The following ITFG1 variants were observed in gnomAD, a reference collection of about 807,000 sequenced individuals.
ITFG1 encodes integrin alpha FG-GAP repeat containing 1.
A neutral mutation model predicts 81.8 loss-of-function variants in ITFG1; 34 were observed. The ratio of observed to expected loss-of-function variants is 0.42; its 90% CI spans 0.32 to 0.55. The LOEUF is 0.55. Ranked by LOEUF, ITFG1 falls within the 20% of genes least tolerant of loss-of-function variation. ITFG1 has a pLI of 0.17. For synonymous variants in ITFG1, 285 were observed against 270.6 expected, an observed-to-expected ratio of 1.05 and a Z score of -0.52; for missense variants, 672 against 755.4, an observed-to-expected ratio of 0.89 and a Z score of 1.29.
At position 47,375,490 on chromosome 16, in the gene ITFG1, C is replaced by CT. The variant is rs1192882225; in HGVS notation, c.720+385dup. On this transcript the variant is annotated intron_variant, in intron 7 of 17. Transcript: ENST00000320640. The stretch of plus-strand genomic sequence containing the variant: ...AAGTTTGGTGTTTGTTGTCTTATTT[C>CT]TTTATATAAGCCTAAAGGCAAAGGG... Among the ~76,000 whole-genome samples the CT allele has an allele frequency of 2.0e-5, 3 of 150,992 alleles. No homozygotes were observed. In the East Asian group the frequency reaches 5.8e-4, roughly 29 times the overall value.
chr16:47,271,140 C>T (rs1410510162), intron 10 of ITFG1, among the ~76,000 whole-genome samples: 1 of 152,060 alleles, frequency 6.6e-6, no homozygotes, highest in Non-Finnish European at 1.5e-5. Flanking sequence ...TTGACATCAT[C>T]AAGTTTGTGC....
At chr16:47,416,174 A>C (rs1025371265) in intron 6 of ITFG1, among the ~76,000 whole-genome samples, 1 of 152,162 alleles carries the variant, frequency 6.6e-6, no homozygotes, top group Non-Finnish European at 1.5e-5. Context: ...TCTTCATGAG[A>C]TTATGAGCGA....
At chr16:47,415,877 T>C (rs1375213169) in intron 6 of ITFG1, among the ~76,000 whole-genome samples, 2 of 152,226 alleles carry the variant, frequency 1.3e-5, no homozygotes, top group East Asian at 3.9e-4. Context: ...GCGGATCACC[T>C]GAGGTTGGGA....
At position 47,400,273 on chromosome 16, in the gene ITFG1, C is replaced by T. The variant is rs372516792; in HGVS notation, c.656-24333G>A. On this transcript the variant is annotated intron_variant, in intron 6 of 17. Transcript: ENST00000320640. Reference sequence around the variant, plus strand: ...GTGCAGTGGCTCAGGCCTGTAATTCCAGTGCTTTGGGAGGCCAAGGTGGGG... The same window carrying T: ...GTGCAGTGGCTCAGGCCTGTAATTCTAGTGCTTTGGGAGGCCAAGGTGGGG... Among the ~76,000 whole-genome samples, 9 of 152,164 alleles carry T rather than the reference C, an allele frequency of 5.9e-5. No individual in the cohort carries two copies. The South Asian group carries it at 6.2e-4, about 10-fold the overall frequency.
At chr16:47,394,507 C>G (rs192749106) in intron 6 of ITFG1, among the ~76,000 whole-genome samples, 2 of 152,074 alleles carry the variant, frequency 1.3e-5, no homozygotes, top group African/African-American at 4.8e-5. Context: ...AACACAAACA[C>G]ACACTGTCTT....
chr16:47,163,124 A>G (rs923585424), intron 14 of ITFG1, among the ~76,000 whole-genome samples: 1 of 152,186 alleles, frequency 6.6e-6, no homozygotes, highest in African/African-American at 2.4e-5. Flanking sequence ...TTTAAAGAAA[A>G]CAGCGTTACT....
At chr16:47,258,436 T>C (rs1966163838) in intron 12 of ITFG1, among the ~76,000 whole-genome samples, 196 bp downstream of exon 12, 1 of 152,192 alleles carries the variant, frequency 6.6e-6, no homozygotes, top group South Asian at 2.1e-4. Flanking sequence ...GACAGAATCC[T>C]GGGCCAGAAA....
chr16:47,377,102 AG>A (rs1968336449), intron 6 of ITFG1, among the ~76,000 whole-genome samples: 1 of 151,830 alleles, frequency 6.6e-6, no homozygotes, highest in South Asian at 2.1e-4. Context: ...GTTTTCTGTA[AG>A]GGTGTCATAT....
intron 13 of ITFG1, among the ~76,000 whole-genome samples, chr16:47,230,309 T>C (rs1271381590): frequency 3.3e-5 from 5 of 150,070 alleles, no homozygotes; most frequent in African/African-American, 1.2e-4. Context: ...GAAAAGGGAG[T>C]GTTTCGGTAA....
intron 10 of ITFG1, among the ~76,000 whole-genome samples, chr16:47,297,578 T>C (rs1967002044): frequency 6.6e-6 from 1 of 152,142 alleles, no homozygotes; most frequent in Non-Finnish European, 1.5e-5. Flanking sequence ...TTATTTCTAC[T>C]TCATTTATCA....
At chr16:47,457,387 A>G (rs1475374908) in intron 2 of ITFG1, among the ~76,000 whole-genome samples, 1 of 152,182 alleles carries the variant, frequency 6.6e-6, no homozygotes, top group Non-Finnish European at 1.5e-5. Context: ...CCACATGGTT[A>G]AAAGGTAAAC....
chr16:47,184,109 C>T (rs1282817904), intron 14 of ITFG1, among the ~76,000 whole-genome samples: 2 of 152,040 alleles, frequency 1.3e-5, no homozygotes, highest in African/African-American at 4.8e-5. Context: ...GCAAAGCCTC[C>T]AAGAAATATG....
Position 47,385,234 on chromosome 16 carries a change from G to A in ITFG1, c.656-9294C>T, listed in dbSNP as rs1968446551. On this transcript the variant is annotated intron_variant, in intron 6 of 17. Transcript: ENST00000320640. ...TAATCAGATTATTAAGAAACTTCAG[G>A]TTAAAGTAATTTATTAAAATAATGA... Among the ~76,000 whole-genome samples, 5 of 152,054 alleles carry A rather than the reference G, an allele frequency of 3.3e-5. No homozygotes were observed. The South Asian group carries it at 1.0e-3, about 32-fold the overall frequency.
At chr16:47,252,080 C>T (rs1483655827) in intron 12 of ITFG1, among the ~76,000 whole-genome samples, 3 of 152,042 alleles carry the variant, frequency 2.0e-5, no homozygotes, top group Non-Finnish European at 4.4e-5. Flanking sequence ...AATATATTAA[C>T]CTAAGTACAA....
At chr16:47,157,691 G>GT (rs1444039984) in intron 17 of ITFG1, 1 of 152,160 alleles carries the variant, frequency 6.6e-6, no homozygotes, top group Admixed American at 6.5e-5. Context: ...TTTTTGATAT[G>GT]TAAAGGAGTG....
At chr16:47,348,725 C>T (rs1186997218) in intron 8 of ITFG1, among the ~76,000 whole-genome samples, 1 of 152,116 alleles carries the variant, frequency 6.6e-6, no homozygotes, top group African/African-American at 2.4e-5. Flanking sequence ...CAAAGATACT[C>T]CTTGAGAACA....
intron 8 of ITFG1, among the ~76,000 whole-genome samples, chr16:47,350,664 A>C (rs553187700): frequency 6.6e-6 from 1 of 152,298 alleles, no homozygotes; most frequent in South Asian, 2.1e-4. Context: ...ATTCCTTCTG[A>C]AACTATTCCA....
intron 6 of ITFG1, among the ~76,000 whole-genome samples, chr16:47,419,852 C>T (rs985718505): frequency 1.3e-5 from 2 of 152,002 alleles, no homozygotes; most frequent in African/African-American, 4.8e-5. Context: ...ATCCGCCCAC[C>T]CCGGCCTCCC....
At chr16:47,274,166 A>G (rs1023008712) in intron 10 of ITFG1, among the ~76,000 whole-genome samples, 2 of 152,036 alleles carry the variant, frequency 1.3e-5, no homozygotes, top group Non-Finnish European at 2.9e-5. Flanking sequence ...CTGAGGCAGG[A>G]GAATCGCTTG....
Sources: gnomAD v4.1 joint callset for allele counts (sites outside exome capture counted in the v4.1 genomes callset) on GRCh38, gnomAD v4.1.1 for gene constraint, MANE v1.5 for transcripts, NCBI Gene and HGNC (gene_info 2026-07-23, HGNC 2026-07-21) for gene names.